The following POLQ variants were observed in gnomAD, a reference collection of about 807,000 sequenced individuals.
POLQ encodes epididymis secretory sperm binding protein.
In POLQ, 233 loss-of-function variants were observed where a neutral mutation model predicts 259.2. The ratio of observed to expected loss-of-function variants is 0.90; its 90% CI spans 0.81 to 1.00. The LOEUF (loss-of-function observed/expected upper bound fraction) is 1.00, where lower values mean the gene tolerates loss of function less well. Among genes scored for constraint, POLQ ranks in the 50% least tolerant of loss-of-function variants. The pLI is 0.00. For missense variants in POLQ, 2,871 were observed against 3,051.6 expected (o/e 0.94, Z 1.39); for synonymous variants, 1,025 against 1,048.8 (o/e 0.98, Z 0.44).
chr3:121,489,086 T>G lies in POLQ; in HGVS notation c.3845A>C (p.His1282Pro). The G allele has an allele frequency of 6.2e-7, 1 of 1,613,600 alleles. No individual in the cohort carries two copies. Among genetic ancestry groups the G allele is most frequent in the Non-Finnish European group, 8.5e-7 (1 of 1,179,524 alleles). ...AGAFSKSEGQHENFLNISRLQ... is the reference protein window; with the variant it reads ...AGAFSKSEGQPENFLNISRLQ... ...TCTAGAAATATTTAGAAAATTCTCA[T>G]GCTGGCCTTCTGATTTGCTAAATGC... is the stretch of plus-strand genomic sequence containing the variant. Residue 1282 changes from histidine (H) to proline (P), a missense_variant, in exon 16 of 30, where the codon CAT becomes CCT. This residue lies in a region of POLQ where 2,080 missense variants were observed against 2,126.0 expected (regional missense o/e 0.98). Coordinates refer to ENST00000264233, the MANE Select transcript of POLQ (RefSeq NM_199420.4).
intron 21 of POLQ, among the ~76,000 whole-genome samples, chr3:121,472,744 G>A (rs1398807790): frequency 7.2e-5 from 11 of 152,240 alleles, no homozygotes; most frequent in African/African-American, 2.2e-4. Context: ...ATAGATAACG[G>A]TATAAGGACC....
chr3:121,474,252 G>C (rs2047907880), intron 20 of POLQ, among the ~76,000 whole-genome samples: 1 of 152,128 alleles, frequency 6.6e-6, no homozygotes, highest in African/African-American at 2.4e-5. Flanking sequence ...AAGTCATCTA[G>C]TCCCACCACC....
Position 121,460,983 on chromosome 3 carries a change from C to T in POLQ, c.6968-749G>A, listed in dbSNP as rs142638674. Among the ~76,000 whole-genome samples, 100 of 152,180 alleles carry T rather than the reference C, an allele frequency of 6.6e-4. 1 individual carries two copies. In the East Asian group the frequency reaches 0.016, roughly 25 times the overall value. ...GAGTTGTTACTTGTGGAGGAAAAGA[C>T]AAACTATAAATAAGAAGTTCAGACA... On this transcript the variant is annotated intron_variant, in intron 24 of 29. Transcript: ENST00000264233.
At chr3:121,454,518 A>C (rs2108780725) in intron 25 of POLQ, among the ~76,000 whole-genome samples, 1 of 152,328 alleles carries the variant, frequency 6.6e-6, no homozygotes, top group South Asian at 2.1e-4. Context: ...CATAGGCTCA[A>C]AATAAAAGGA....
In POLQ at chr3:121,545,923, C is replaced by T. The variant is rs368752899; in HGVS notation, c.-46G>A. The T allele has an allele frequency of 4.7e-5, 75 of 1,608,436 alleles. 1 individual carries two copies. Among genetic ancestry groups the T allele is most frequent in the Middle Eastern group, 1.6e-4 (1 of 6,082 alleles). On this transcript the variant is annotated 5_prime_UTR_variant, in exon 1 of 30. Transcript: ENST00000264233. ...TCAGGGCAAGCCACAGTCCCAGCGT[C>T]CTCCCTCTCGGGAGAACCCTGGCCT...
intron 25 of POLQ, among the ~76,000 whole-genome samples, chr3:121,452,540 A>G (rs1254798303): frequency 1.4e-5 from 2 of 147,656 alleles, no homozygotes; most frequent in Admixed American, 6.8e-5. Context: ...CTGAGATCTC[A>G]GCAAGGCTCA....
chr3:121,479,362 A>ATGTGTGTGTGTGTGTG (rs71133538), intron 19 of POLQ, among the ~76,000 whole-genome samples: 1 of 142,654 alleles, frequency 7.0e-6, no homozygotes, highest in Non-Finnish European at 1.5e-5. Context: ...AAAAAAAAAA[A>ATGTGTGTGTGTGTGTG]TGTGTGTGTG....
At chr3:121,544,083 G>A (rs755435602) in intron 2 of POLQ, among the ~76,000 whole-genome samples, 6 of 151,950 alleles carry the variant, frequency 3.9e-5, no homozygotes, top group Non-Finnish European at 5.9e-5. Flanking sequence ...AGCTGGGCAC[G>A]GTGACTCACA....
intron 9 of POLQ, among the ~76,000 whole-genome samples, chr3:121,515,456 A>G (rs1027053218): frequency 3.3e-5 from 5 of 152,180 alleles, no homozygotes; most frequent in Admixed American, 6.5e-5. Flanking sequence ...GCCAAGGAAT[A>G]CACTCTGGGG....
chr3:121,458,244 G>A (rs2047759171), intron 25 of POLQ, among the ~76,000 whole-genome samples: 1 of 152,016 alleles, frequency 6.6e-6, no homozygotes. Context: ...GTGTGGTGGG[G>A]GAATGGGGGA....
At position 121,453,331 on chromosome 3, in the gene POLQ, G is replaced by A. The variant is rs879194704; in HGVS notation, c.7153-3905C>T. ...AACTGGAAACTCTAAAAAGCAGAGC[G>A]CCTCTCCTCCTCCAAAGGAACGCAG... On this transcript the variant is annotated intron_variant, in intron 25 of 29. Transcript: ENST00000264233. 1.3e-4 allele frequency among the ~76,000 whole-genome samples: 20 copies of A among 152,178 alleles called. No individual in the cohort carries two copies. In the East Asian group the frequency reaches 1.9e-3, roughly 15 times the overall value.
At chr3:121,449,169 A>G (rs1373511062) in intron 26 of POLQ, 146 bp downstream of exon 26, 1 of 522,884 alleles carries the variant, frequency 1.9e-6, no homozygotes, top group African/African-American at 1.9e-5. Context: ...GTAAGTGATT[A>G]TAAGGTTAAT....
chr3:121,544,977 C>G (rs2048520307), intron 1 of POLQ, 71 bp from the exon 2 acceptor site: 1 of 923,398 alleles, frequency 1.1e-6, no homozygotes, highest in Non-Finnish European at 1.6e-6. Flanking sequence ...AGCCCTTCAC[C>G]GTGTGTTGGA....
At chr3:121,545,166 T>A (rs1292437536) in intron 1 of POLQ, among the ~76,000 whole-genome samples, 2 of 152,172 alleles carry the variant, frequency 1.3e-5, no homozygotes, top group African/African-American at 4.8e-5. Context: ...AGTGTTGGAA[T>A]TACGGGTGTA....
intron 5 of POLQ, 144 bp from the exon 6 acceptor site, chr3:121,533,353 G>T: frequency 2.2e-6 from 1 of 461,624 alleles, no homozygotes; most frequent in Non-Finnish European, 3.8e-6. Flanking sequence ...AAATTACTGA[G>T]CCACAGATTA....
In POLQ at chr3:121,431,796, T is replaced by G. The variant is rs1446766103; in HGVS notation, c.*508A>C. 1 of 152,884 alleles carries G rather than the reference T, an allele frequency of 6.5e-6. No homozygotes were observed. The highest frequency in any genetic ancestry group is 1.5e-5 in the Non-Finnish European group (1 of 68,206). The allele number at this position is 152,884 out of a possible 1,614,324, so 9.5% of individuals were successfully genotyped here. A position where few individuals can be genotyped will look rare whatever the true frequency, so the allele number is the denominator to read the frequency against. On this transcript the variant is annotated 3_prime_UTR_variant, in exon 30 of 30. Coordinates refer to ENST00000264233, the MANE Select transcript of POLQ (RefSeq NM_199420.4). ...TTACTACTTTATAGAATTCATAATT[T>G]ATTAGCCAATACTATTTTAAAATAC...
chr3:121,522,776 G>A (rs2048346705), intron 7 of POLQ, among the ~76,000 whole-genome samples: 1 of 152,128 alleles, frequency 6.6e-6, no homozygotes, highest in Admixed American at 6.5e-5. Context: ...GCCCACAGGA[G>A]GGGATCAAAG....
Position 121,533,900 on chromosome 3 carries a change from A to AC in POLQ, c.741-692dup, listed in dbSNP as rs1291515922. ...CTTCATGTGTATGAACCATGTGGAT[A>AC]CCCTTTTTTTTTTTTTTTTTTGAGA... On this transcript the variant is annotated intron_variant, in intron 5 of 29. Transcript: ENST00000264233. Among the ~76,000 whole-genome samples the AC allele has an allele frequency of 3.1e-5, 4 of 127,554 alleles. No homozygotes were observed. The East Asian group carries it at 8.0e-4, about 25-fold the overall frequency. 83.7% of individuals were successfully genotyped at this position (127,554 alleles called of 152,430 possible). A position where few individuals can be genotyped will look rare whatever the true frequency, so the allele number is the denominator to read the frequency against.
chr3:121,477,394 T>C (rs1400891154), intron 19 of POLQ, among the ~76,000 whole-genome samples: 1 of 152,198 alleles, frequency 6.6e-6, no homozygotes, highest in Non-Finnish European at 1.5e-5. Flanking sequence ...TCTATAGGTA[T>C]ATATGAATTC....
Sources: allele counts gnomAD v4.1 joint callset (sites outside exome capture counted in the v4.1 genomes callset), GRCh38; gene constraint gnomAD v4.1.1; regional missense constraint gnomAD v4.1.1; transcripts MANE v1.5; gene names NCBI Gene and HGNC (gene_info 2026-07-23, HGNC 2026-07-21).